The following SPPL2A variants were observed in gnomAD, a reference collection of about 807,000 sequenced individuals.
SPPL2A encodes signal peptide peptidase-like 2A.
In SPPL2A, 51 loss-of-function variants were observed where a neutral mutation model predicts 63.8. The ratio of observed to expected loss-of-function variants is 0.80; its 90% CI spans 0.64 to 1.01. SPPL2A has a LOEUF of 1.01. Among genes scored for constraint, SPPL2A ranks in the 50% least tolerant of loss-of-function variants. The pLI is 0.00. For missense variants in SPPL2A, 553 were observed against 622.7 expected (o/e 0.89, Z 1.19); for synonymous variants, 188 against 205.8 (o/e 0.91, Z 0.74).
rs558873109 is a variant in SPPL2A, at chr15:50,714,485, G to A, written c.1488+5455C>T. On this transcript the variant is annotated intron_variant, in intron 14 of 14. Coordinates refer to ENST00000261854, the MANE Select transcript of SPPL2A (RefSeq NM_032802.4). ...CATCTCTACTAAAAATACAAAATTA[G>A]CTGGGCATGGTGGCGCATGCTTTTA... Among the ~76,000 whole-genome samples, 6 of 152,124 alleles carry A rather than the reference G, an allele frequency of 3.9e-5. No homozygotes were observed. The South Asian group carries it at 1.2e-3, about 32-fold the overall frequency.
rs1458179615 is a variant in SPPL2A, at chr15:50,703,817, A to G, written c.*3983T>C. The stretch of plus-strand genomic sequence containing the variant: ...GCACTCCATAAATATATACACCTAC[A>G]TGTACCCACAATTTTTAAAAATGTA... On this transcript the variant is annotated 3_prime_UTR_variant, in exon 15 of 15. Transcript: ENST00000261854. 1 of 152,064 alleles carries G rather than the reference A, an allele frequency of 6.6e-6. No homozygotes were observed. The highest frequency in any genetic ancestry group is 1.5e-5 in the Non-Finnish European group (1 of 68,026). The allele number at this position is 152,064 out of a possible 1,614,324, so 9.4% of individuals were successfully genotyped here.
Position 50,752,821 on chromosome 15 carries a change from C to T in SPPL2A, c.67-3075G>A, listed in dbSNP as rs190391564. ...CTGACCTTGTCCTTTATCTGCTATA[C>T]ATCCAGATCCAGCCATTCCATTAAG... On this transcript the variant is annotated intron_variant, in intron 1 of 14. Coordinates refer to ENST00000261854, the MANE Select transcript of SPPL2A (RefSeq NM_032802.4). Among the ~76,000 whole-genome samples, 1,418 of 152,042 alleles carry T rather than the reference C, an allele frequency of 9.3e-3. 9 individuals are homozygous for T. Among genetic ancestry groups the T allele is most frequent in the East Asian group, 0.021 (108 of 5,178 alleles).
chr15:50,718,040 C>T (rs1209367104), intron 14 of SPPL2A, among the ~76,000 whole-genome samples: 2 of 135,364 alleles, frequency 1.5e-5, no homozygotes, highest in African/African-American at 2.8e-5. Flanking sequence ...GGCACGATCT[C>T]GGCTCACTGC....
chr15:50,741,204 A>C (rs1256074070), intron 5 of SPPL2A, among the ~76,000 whole-genome samples: 8 of 152,134 alleles, frequency 5.3e-5, no homozygotes, highest in Admixed American at 5.2e-4. Flanking sequence ...ACACATTATT[A>C]ATACTACTTC....
chr15:50,765,419 C>T (rs1373328033), intron 1 of SPPL2A, 49 bp downstream of exon 1: 2 of 1,434,374 alleles, frequency 1.4e-6, no homozygotes, highest in South Asian at 1.3e-5. Flanking sequence ...GCCTTGGCCC[C>T]GGCCCCGCCC....
intron 10 of SPPL2A, among the ~76,000 whole-genome samples, chr15:50,728,667 G>A (rs899594310): frequency 1.3e-5 from 2 of 151,096 alleles, no homozygotes; most frequent in African/African-American, 2.4e-5. Flanking sequence ...TTTTTGAAAC[G>A]GAGTCTCACT....
chr15:50,722,902 T>G (rs1278492425), intron 12 of SPPL2A, among the ~76,000 whole-genome samples: 1 of 152,158 alleles, frequency 6.6e-6, no homozygotes, highest in African/African-American at 2.4e-5. Flanking sequence ...ATTTGCAAAC[T>G]ATGTATCTGA....
intron 5 of SPPL2A, chr15:50,742,835 A>G (rs1347222947): frequency 2.0e-5 from 3 of 152,170 alleles, no homozygotes; most frequent in African/African-American, 7.2e-5. Context: ...CATGTTTTAC[A>G]AATAAAAAAG....
At chr15:50,748,292 T>C in intron 3 of SPPL2A, 90 bp from the exon 4 acceptor site, 1 of 534,692 alleles carries the variant, frequency 1.9e-6, no homozygotes, top group Non-Finnish European at 3.1e-6. Context: ...ATTACGTCTT[T>C]CTTTAAGTTA....
rs559839976 is a variant in SPPL2A, at chr15:50,758,753, A to C, written c.66+6715T>G. 2.3e-4 allele frequency among the ~76,000 whole-genome samples: 34 copies of C among 148,712 alleles called. 1 individual carries two copies. In the South Asian group the frequency reaches 6.3e-3, roughly 28 times the overall value. On this transcript the variant is annotated intron_variant, in intron 1 of 14. Coordinates refer to ENST00000261854, the MANE Select transcript of SPPL2A (RefSeq NM_032802.4). ...GTAAAGCTTGGCAAATTCTGGCCTA[A>C]AAACAATCAACTTAAAAAAAATTTT...
chr15:50,713,157 G>C (rs1225929357), intron 14 of SPPL2A, among the ~76,000 whole-genome samples: 1 of 151,908 alleles, frequency 6.6e-6, no homozygotes, highest in African/African-American at 2.4e-5. Flanking sequence ...TTAAATGTTG[G>C]ACATAAACAA....
chr15:50,705,443 C>G lies in SPPL2A; in HGVS notation c.*2357G>C, dbSNP rs1212775281. The G allele has an allele frequency of 6.6e-6, 1 of 151,656 alleles. No homozygotes were observed. The highest frequency in any genetic ancestry group is 1.5e-5 in the Non-Finnish European group (1 of 67,954). 9.4% of individuals were successfully genotyped at this position (151,656 alleles called of 1,614,324 possible). A position where few individuals can be genotyped will look rare whatever the true frequency, so the allele number is the denominator to read the frequency against. On this transcript the variant is annotated 3_prime_UTR_variant, in exon 15 of 15. Coordinates refer to ENST00000261854, the MANE Select transcript of SPPL2A (RefSeq NM_032802.4). ...GTGATTAAGGCTATTAAATATAAAGCTTGGATGAGGGTGCAGATAATTTTA... is the reference window on the plus strand; with the variant it reads ...GTGATTAAGGCTATTAAATATAAAGGTTGGATGAGGGTGCAGATAATTTTA...
chr15:50,756,770 C>A (rs1449072646), intron 1 of SPPL2A, among the ~76,000 whole-genome samples: 3 of 152,068 alleles, frequency 2.0e-5, no homozygotes, highest in Non-Finnish European at 4.4e-5. Context: ...ATAACATAAT[C>A]TAGTCTCTTC....
intron 1 of SPPL2A, among the ~76,000 whole-genome samples, chr15:50,763,845 C>A (rs2063034153): frequency 1.3e-5 from 2 of 152,112 alleles, no homozygotes; most frequent in Non-Finnish European, 2.9e-5. Context: ...TTGCAGTGAG[C>A]CGAGATCGCG....
In SPPL2A at chr15:50,707,186, T is replaced by G. The variant is rs1056525380; in HGVS notation, c.*614A>C. The G allele has an allele frequency of 3.9e-5, 6 of 152,256 alleles. No individual in the cohort carries two copies. The highest frequency in any genetic ancestry group is 1.3e-4 in the Admixed American group (2 of 15,282). 9.4% of individuals were successfully genotyped at this position (152,256 alleles called of 1,614,324 possible). ...CAGGCTGGAGTGCAGTGGCGTGATC[T>G]TGGCTCACTGCAAGCTCCACTTCCC... is the stretch of plus-strand genomic sequence containing the variant. On this transcript the variant is annotated 3_prime_UTR_variant, in exon 15 of 15. Transcript: ENST00000261854.
Position 50,726,390 on chromosome 15 carries a change from A to C in SPPL2A, c.1090-13T>G. On this transcript the variant is annotated splice_polypyrimidine_tract_variant and intron_variant, in intron 10 of 14. Transcript: ENST00000261854. Reference sequence around the variant, plus strand: ...TACTCTCACCATTCTAAAATTGAGAAGGAAAAGAAGTTGTCTAATCATTTA... The same window carrying C: ...TACTCTCACCATTCTAAAATTGAGACGGAAAAGAAGTTGTCTAATCATTTA... 6.2e-7 allele frequency: 1 copy of C among 1,612,130 alleles called. No homozygotes were observed.
At chr15:50,725,574 GCA>G in intron 11 of SPPL2A, 1 of 290,016 alleles carries the variant, frequency 3.4e-6, no homozygotes, top group East Asian at 8.3e-5. Context: ...GGGATTACAG[GCA>G]TGAGCCACCA....
chr15:50,722,464 T>A (rs1200069346), intron 12 of SPPL2A, among the ~76,000 whole-genome samples: 2 of 150,570 alleles, frequency 1.3e-5, no homozygotes. Flanking sequence ...GAAGAAAACT[T>A]TTTTTTTTTT....
chr15:50,735,379 CTCTCTCTCTCTT>C (rs1048314134), intron 8 of SPPL2A, among the ~76,000 whole-genome samples: 2 of 151,690 alleles, frequency 1.3e-5, no homozygotes, highest in Non-Finnish European at 2.9e-5. Context: ...TGTTTCTGCA[CTCTCTCTCTCTT>C]TCTCTCTCTC....
Sources: gnomAD v4.1 joint callset for allele counts (sites outside exome capture counted in the v4.1 genomes callset) on GRCh38, gnomAD v4.1.1 for gene constraint, MANE v1.5 for transcripts, NCBI Gene and HGNC (gene_info 2026-07-23, HGNC 2026-07-21) for gene names.